C5: variants seen among roughly 807,000 people sequenced by gnomAD.
C5 encodes complement C5.
C5 carries 140 observed loss-of-function variants against 218.8 expected under a neutral mutation model. That is an observed-to-expected ratio of 0.64 (90% CI 0.56 to 0.74). C5 has a LOEUF of 0.74. Among genes scored for constraint, C5 ranks in the 30% least tolerant of loss-of-function variants. The pLI is 0.00. For synonymous variants in C5, 614 were observed against 682.3 expected (o/e 0.90, Z 1.56); for missense variants, 1,700 against 1,969.6 (o/e 0.86, Z 2.59).
intron 30 of C5, among the ~76,000 whole-genome samples, chr9:120,973,427 G>A (rs1401933484): frequency 6.6e-6 from 1 of 152,188 alleles, no homozygotes; most frequent in Non-Finnish European, 1.5e-5. Context: ...TGCCTGCAGA[G>A]GCCCGGGCAC....
chr9:120,954,973 C>T (rs2046774418), intron 39 of C5, among the ~76,000 whole-genome samples: 1 of 152,156 alleles, frequency 6.6e-6, no homozygotes, highest in African/African-American at 2.4e-5. Context: ...TTTTAAGCTT[C>T]TCATCATGGA....
intron 33 of C5, among the ~76,000 whole-genome samples, chr9:120,968,033 C>G (rs1358784509): frequency 6.6e-6 from 1 of 152,116 alleles, no homozygotes; most frequent in Non-Finnish European, 1.5e-5. Flanking sequence ...AAAACCTACA[C>G]TTTCATAAAT....
At chr9:121,030,245 A>C (rs1672429335) in intron 7 of C5, 152 bp downstream of exon 7, 1 of 558,726 alleles carries the variant, frequency 1.8e-6, no homozygotes, top group Non-Finnish European at 3.2e-6. Context: ...CAAATGAACT[A>C]CCAGCATGAT....
At chr9:121,074,244 T>C in the C5 span, among the ~76,000 whole-genome samples, 17 of 152,308 alleles carry the variant, frequency 1.1e-4, no homozygotes, top group South Asian at 3.1e-3. Flanking sequence ...CTTCAGTGTT[T>C]CCCTAGCATC....
rs1432494240 is a variant in C5, at chr9:121,034,797, A to ACATACCTAGGATTAGACGGAATCTT, written c.565_584+5dup. ...TGTGGTTTTATTAACAACTATTTTT[A>ACATACCTAGGATTAGACGGAATCTT]CATACCTAGGATTAGACGGAATCTT... On this transcript the variant is annotated splice_donor_region_variant and intron_variant, in intron 5 of 40. Transcript: ENST00000223642. The ACATACCTAGGATTAGACGGAATCTT allele has an allele frequency of 6.7e-7, 1 of 1,481,866 alleles. No individual in the cohort carries two copies. The allele number at this position is 1,481,866 out of a possible 1,614,324, so 91.8% of individuals were successfully genotyped here.
At chr9:121,019,082 T>C (rs1365934723) in intron 12 of C5, among the ~76,000 whole-genome samples, 2 of 151,702 alleles carry the variant, frequency 1.3e-5, no homozygotes, top group Non-Finnish European at 2.9e-5. Context: ...ATAAGTGGAG[T>C]GCATCTTATT....
the C5 span, among the ~76,000 whole-genome samples, chr9:121,056,297 T>C: frequency 5.9e-3 from 900 of 152,308 alleles, 10 homozygotes; most frequent in African/African-American, 0.02. Context: ...GTTGAAGATA[T>C]ATGACTAATC....
intron 25 of C5, among the ~76,000 whole-genome samples, chr9:120,988,177 G>A (rs2047048708): frequency 6.6e-6 from 1 of 152,156 alleles, no homozygotes; most frequent in African/African-American, 2.4e-5. Context: ...TGGAAGATAT[G>A]TTTCATTGAA....
rs375865204 is a variant in C5, at chr9:120,962,975, G to T, written c.4324-8C>A. The T allele has an allele frequency of 6.2e-6, 10 of 1,605,818 alleles. No individual in the cohort carries two copies. The highest frequency in any genetic ancestry group is 7.7e-6 in the Non-Finnish European group (9 of 1,172,618). On this transcript the variant is annotated splice_polypyrimidine_tract_variant and splice_region_variant and intron_variant, in intron 34 of 40. Transcript: ENST00000223642. ...ATCCACCCCTTCCACAAGCTAAGGGGGAAAAGAGAGAAGCTTGAATTTCAT... is the reference window on the plus strand; with the variant it reads ...ATCCACCCCTTCCACAAGCTAAGGGTGAAAAGAGAGAAGCTTGAATTTCAT...
intron 1 of C5, among the ~76,000 whole-genome samples, chr9:121,049,449 A>G (rs1018083022): frequency 6.6e-6 from 1 of 152,186 alleles, no homozygotes; most frequent in Non-Finnish European, 1.5e-5. Context: ...CATCCTAAGT[A>G]TGTGTTTATA....
Position 120,961,693 on chromosome 9 carries a change from C to G in C5, c.4505-128G>C, listed in dbSNP as rs528566422. 5.7e-6 allele frequency: 4 copies of G among 707,754 alleles called. No individual in the cohort carries two copies. The South Asian group carries it at 6.0e-5, about 11-fold the overall frequency. 43.8% of individuals were successfully genotyped at this position (707,754 alleles called of 1,614,324 possible). A position where few individuals can be genotyped will look rare whatever the true frequency, so the allele number is the denominator to read the frequency against. ...TAAACCCTTCTTTTTATAGCTAAGGCCCAGGGAGGTAAAATTATGAATTGG... is the reference window on the plus strand; with the variant it reads ...TAAACCCTTCTTTTTATAGCTAAGGGCCAGGGAGGTAAAATTATGAATTGG... On this transcript the variant is annotated intron_variant, in intron 36 of 40. Coordinates refer to ENST00000223642, the MANE Select transcript of C5 (RefSeq NM_001735.3).
chr9:121,047,806 C>A (rs937905046), intron 1 of C5, among the ~76,000 whole-genome samples: 21 of 152,102 alleles, frequency 1.4e-4, no homozygotes, highest in African/African-American at 5.1e-4. Flanking sequence ...ATCTGAATTC[C>A]CCTTCCCCAC....
intron 17 of C5, among the ~76,000 whole-genome samples, chr9:121,011,328 C>G (rs2047260247): frequency 6.6e-6 from 1 of 152,178 alleles, no homozygotes; most frequent in Admixed American, 6.5e-5. Context: ...TTTGAATAGA[C>G]ATTTCTCTAA....
At chr9:120,955,525 C>T (rs984090184) in intron 39 of C5, among the ~76,000 whole-genome samples, 3 of 152,084 alleles carry the variant, frequency 2.0e-5, no homozygotes, top group African/African-American at 7.2e-5. Flanking sequence ...GTAATATGAA[C>T]ATTGGATGAA....
the C5 span, among the ~76,000 whole-genome samples, chr9:121,061,360 C>A: frequency 1.3e-5 from 2 of 152,096 alleles, no homozygotes; most frequent in Non-Finnish European, 2.9e-5. Flanking sequence ...TCTACCTTGG[C>A]CAACATGGCA....
chr9:121,008,662 G>T (rs1028447101), intron 17 of C5, among the ~76,000 whole-genome samples, 164 bp from the exon 18 acceptor site: 2 of 152,144 alleles, frequency 1.3e-5, no homozygotes, highest in African/African-American at 4.8e-5. Context: ...GGGTGCAGTG[G>T]CTCATGCCTG....
At chr9:120,993,039 T>C (rs547563417) in intron 22 of C5, among the ~76,000 whole-genome samples, 63 of 152,196 alleles carry the variant, frequency 4.1e-4, no homozygotes, top group African/African-American at 1.1e-3. Flanking sequence ...GAAACCCAAA[T>C]GGACAAGTAT....
At chr9:121,022,943 C>T (rs537459211) in intron 10 of C5, among the ~76,000 whole-genome samples, 13 of 152,038 alleles carry the variant, frequency 8.6e-5, no homozygotes, top group African/African-American at 2.9e-4. Context: ...CAGAGTTATG[C>T]ACAAAGACAA....
At chr9:121,013,002 T>C (rs1211341811) in intron 17 of C5, among the ~76,000 whole-genome samples, 3 of 152,108 alleles carry the variant, frequency 2.0e-5, no homozygotes, top group Non-Finnish European at 2.9e-5. Flanking sequence ...GAAGCTGTCA[T>C]TTTGCTTTTG....
Sources: gnomAD v4.1 joint callset for allele counts (sites outside exome capture counted in the v4.1 genomes callset) on GRCh38, gnomAD v4.1.1 for gene constraint, MANE v1.5 for transcripts, NCBI Gene and HGNC (gene_info 2026-07-23, HGNC 2026-07-21) for gene names.